The following MELK variants were observed in gnomAD, a reference collection of about 807,000 sequenced individuals.
MELK encodes pEg3 kinase.
Under a neutral mutation model 85.0 loss-of-function variants are expected in MELK, and 81 were observed. The observed-to-expected ratio is 0.95, with a 90% CI of 0.80 to 1.15. The LOEUF (loss-of-function observed/expected upper bound fraction) is 1.15. Among genes scored for constraint, MELK ranks in the 50% most tolerant of loss-of-function variants. The pLI is 0.00. For missense variants in MELK, 754 were observed against 777.5 expected (o/e 0.97, Z 0.36); for synonymous variants, 252 against 265.0 (o/e 0.95, Z 0.48).
intron 7 of MELK, among the ~76,000 whole-genome samples, chr9:36,604,217 CCT>C (rs1436303980): frequency 1.3e-5 from 2 of 150,784 alleles, no homozygotes; most frequent in African/African-American, 4.9e-5. Flanking sequence ...GATCTGCCCA[CCT>C]CGGCTTCCCA....
chr9:36,640,811 A>G (rs1462133183), intron 10 of MELK, among the ~76,000 whole-genome samples: 5 of 152,026 alleles, frequency 3.3e-5, no homozygotes, highest in Non-Finnish European at 7.4e-5. Context: ...CTTGTGACCT[A>G]CTCACCTCCC....
chr9:36,674,782 CTT>C (rs1162517555), intron 16 of MELK, 50 bp from the exon 17 acceptor site: 2 of 1,063,138 alleles, frequency 1.9e-6, no homozygotes, highest in African/African-American at 3.0e-5. Flanking sequence ...GTGTGATGGT[CTT>C]TGTGTTGATG....
At chr9:36,609,821 T>G (rs1825916900) in intron 8 of MELK, among the ~76,000 whole-genome samples, 1 of 152,150 alleles carries the variant, frequency 6.6e-6, no homozygotes, top group Non-Finnish European at 1.5e-5. Context: ...TATAAGATGC[T>G]GAAAGGCATA....
At position 36,677,358 on chromosome 9, in the gene MELK, G is replaced by C; in HGVS notation, c.*21G>C. 1 of 1,598,350 alleles carries C rather than the reference G, an allele frequency of 6.3e-7. No individual in the cohort carries two copies. Among genetic ancestry groups the C allele is most frequent in the South Asian group, 1.1e-5 (1 of 88,930 alleles). The stretch of plus-strand genomic sequence containing the variant: ...TATAATTGATGGATTCTTCCATCCT[G>C]CCGGATGAGTGTGGGTGTGATACAG... On this transcript the variant is annotated 3_prime_UTR_variant, in exon 18 of 18. Coordinates refer to ENST00000298048, the MANE Select transcript of MELK (RefSeq NM_014791.4).
Position 36,665,521 on chromosome 9 carries a change from A to T in MELK, c.1348A>T (p.Lys450Ter). Residue 450 changes from lysine to a stop codon, truncating the protein, a stop_gained, in exon 14 of 18, where the codon AAG becomes TAG. Transcript: ENST00000298048. LOFTEE classifies it high-confidence loss of function. ...TCCTGAGCCAAAGACTCCAGTTAAT[A>T]AGAACCAGCATAAGAGAGAAATACT... ...MFPEPKTPVN[K>*]NQHKREILTT... 6.2e-7 allele frequency: 1 copy of T among 1,613,984 alleles called. No individual in the cohort carries two copies. The highest frequency in any genetic ancestry group is 8.5e-7 in the Non-Finnish European group (1 of 1,179,906).
intron 13 of MELK, among the ~76,000 whole-genome samples, chr9:36,661,123 C>T (rs1041025982): frequency 6.6e-6 from 1 of 152,196 alleles, no homozygotes; most frequent in Non-Finnish European, 1.5e-5. Flanking sequence ...TGTTCTGCCC[C>T]CTCCAGCGGC....
At chr9:36,588,122 T>A (rs2135259668) in intron 3 of MELK, among the ~76,000 whole-genome samples, 1 of 151,610 alleles carries the variant, frequency 6.6e-6, no homozygotes, top group East Asian at 2.0e-4. Context: ...GCTGGATCGA[T>A]CTCGGCTCAC....
At chr9:36,620,428 A>T (rs900363405) in intron 8 of MELK, among the ~76,000 whole-genome samples, 1 of 152,100 alleles carries the variant, frequency 6.6e-6, no homozygotes, top group East Asian at 1.9e-4. Flanking sequence ...CATCAGCAGC[A>T]TTAGAGCATT....
chr9:36,618,176 G>T (rs899709687), intron 8 of MELK, among the ~76,000 whole-genome samples: 5 of 151,708 alleles, frequency 3.3e-5, no homozygotes, highest in Non-Finnish European at 7.4e-5. Flanking sequence ...CAGCACTTTG[G>T]GAAGCTGAGG....
chr9:36,606,387 A>AATATATACATATGTATAGGTGTGTGTAT (rs1554720201), intron 7 of MELK, among the ~76,000 whole-genome samples: 14 of 106,624 alleles, frequency 1.3e-4, no homozygotes, highest in Non-Finnish European at 2.1e-4. Flanking sequence ...GTGTGTATAT[A>AATATATACATATGTATAGGTGTGTGTAT]ATATATACAT....
At chr9:36,629,229 A>T (rs1256057573) in intron 8 of MELK, among the ~76,000 whole-genome samples, 1 of 152,192 alleles carries the variant, frequency 6.6e-6, no homozygotes, top group Non-Finnish European at 1.5e-5. Flanking sequence ...ATTACAGTTC[A>T]ATCAATTTCT....
intron 7 of MELK, among the ~76,000 whole-genome samples, chr9:36,603,514 C>G: frequency 6.6e-6 from 1 of 151,924 alleles, no homozygotes; most frequent in Non-Finnish European, 1.5e-5. Context: ...TCACGGTAGC[C>G]TTTACCTCCT....
At position 36,665,454 on chromosome 9, in the gene MELK, T is replaced by G. The variant is rs1198076957; in HGVS notation, c.1281T>G (p.Tyr427Ter). ...AATTAAAGAACAAAGAAAATGTATA[T>G]ACTCCTAAGTCTGCTGTAAAGAATG... ...ANKLKNKENV[Y>*]TPKSAVKNEE... The change falls in exon 14 of 18, where the codon TAT becomes TAG. Residue 427 changes from tyrosine to a stop codon, truncating the protein, a stop_gained. Transcript: ENST00000298048. LOFTEE classifies it high-confidence loss of function. 1.2e-6 allele frequency: 2 copies of G among 1,613,018 alleles called. No individual in the cohort carries two copies. Among genetic ancestry groups the G allele is most frequent in the East Asian group, 2.2e-5 (1 of 44,816 alleles).
chr9:36,580,109 G>A (rs1475179441), intron 1 of MELK, among the ~76,000 whole-genome samples: 2 of 144,444 alleles, frequency 1.4e-5, no homozygotes, highest in Non-Finnish European at 3.0e-5. Flanking sequence ...GTGCAGTGGC[G>A]TGATCTCGGC....
chr9:36,620,441 A>G (rs1212457632), intron 8 of MELK, among the ~76,000 whole-genome samples: 1 of 152,114 alleles, frequency 6.6e-6, no homozygotes, highest in East Asian at 1.9e-4. Context: ...AGAGCATTGC[A>G]GTAATCAGTT....
chr9:36,601,111 A>G (rs1824875571), intron 7 of MELK, among the ~76,000 whole-genome samples: 1 of 152,144 alleles, frequency 6.6e-6, no homozygotes, highest in Non-Finnish European at 1.5e-5. Context: ...CCTAAAAGCA[A>G]AGACCTTTTC....
intron 1 of MELK, 36 bp from the exon 2 acceptor site, chr9:36,581,608 A>G: frequency 9.7e-7 from 1 of 1,035,346 alleles, no homozygotes. Flanking sequence ...ATCCGGTATT[A>G]TTTCCTTTAT....
intron 12 of MELK, among the ~76,000 whole-genome samples, chr9:36,653,943 A>G (rs1830966874): frequency 6.6e-6 from 1 of 152,136 alleles, no homozygotes; most frequent in African/African-American, 2.4e-5. Context: ...CACTGCCAGA[A>G]CTAACCTGCC....
chr9:36,596,682 G>C (rs962637884), intron 5 of MELK, among the ~76,000 whole-genome samples: 1 of 149,136 alleles, frequency 6.7e-6, no homozygotes, highest in Non-Finnish European at 1.5e-5. Flanking sequence ...CGCCTCCCGG[G>C]CTCAAGCAGT....
Sources: gnomAD v4.1 joint callset for allele counts (sites outside exome capture counted in the v4.1 genomes callset) on GRCh38, gnomAD v4.1.1 for gene constraint, MANE v1.5 for transcripts, NCBI Gene and HGNC (gene_info 2026-07-23, HGNC 2026-07-21) for gene names.